The following NEBL variants were observed in gnomAD, a reference collection of about 807,000 sequenced individuals.
NEBL encodes LIM and SH3 protein 2.
Under a neutral mutation model 140.2 loss-of-function variants are expected in NEBL, and 122 were observed. That is an observed-to-expected ratio of 0.87 (90% CI 0.75 to 1.01). NEBL has a LOEUF of 1.01. Ranked by LOEUF, NEBL falls within the 50% of genes least tolerant of loss-of-function variation. The pLI, the probability that NEBL is intolerant of heterozygous loss-of-function variation, is 0.00. For synonymous variants in NEBL, 436 were observed against 398.9 expected, an observed-to-expected ratio of 1.09 and a Z score of -1.11; for missense variants, 1,365 against 1,231.3, an observed-to-expected ratio of 1.11 and a Z score of -1.62.
At chr10:21,255,047 A>G (rs1408581507) in intron 1 of NEBL, among the ~76,000 whole-genome samples, 2 of 152,236 alleles carry the variant, frequency 1.3e-5, no homozygotes, top group Non-Finnish European at 2.9e-5. Context: ...AGGACAGTCT[A>G]TCAGACTCTG....
At position 20,880,871 on chromosome 10, in the gene NEBL, C is replaced by T. The variant is rs1472235973; in HGVS notation, c.403G>A (p.Gly135Arg). The stretch of plus-strand genomic sequence containing the variant: ...TTCATGTGGGCATAATCTGAGAATC[C>T]TTTGGCAGCATCATGTTTCTGCTTG... The part of the protein sequence containing the change: ...AYKQKHDAAK[G>R]FSDYAHMKEP... The change falls in exon 5 of 28, where the codon GGA (glycine) becomes AGA (arginine). Residue 135 changes from glycine (G) to arginine (R), a missense_variant. This residue lies in a region of NEBL where 1,323 missense variants were observed against 1,154.8 expected (regional missense o/e 1.15). Coordinates refer to ENST00000377122, the MANE Select transcript of NEBL (RefSeq NM_006393.3). 7 of 1,613,968 alleles carry T rather than the reference C, an allele frequency of 4.3e-6. No homozygotes were observed. Among genetic ancestry groups the T allele is most frequent in the African/African-American group, 1.3e-5 (1 of 74,900 alleles).
chr10:20,975,210 T>C (rs999898771), intron 3 of NEBL, among the ~76,000 whole-genome samples: 1 of 152,196 alleles, frequency 6.6e-6, no homozygotes, highest in African/African-American at 2.4e-5. Context: ...AACTGGACTT[T>C]ATAATTACAA....
chr10:20,850,008 A>G (rs1296054045), intron 11 of NEBL, among the ~76,000 whole-genome samples: 1 of 152,226 alleles, frequency 6.6e-6, no homozygotes, highest in Admixed American at 6.5e-5. Context: ...ATTGAAAAAA[A>G]AAGGGGGCCA....
intron 2 of NEBL, among the ~76,000 whole-genome samples, chr10:21,122,595 C>T (rs1838631052): frequency 6.6e-6 from 1 of 152,016 alleles, no homozygotes; most frequent in Non-Finnish European, 1.5e-5. Flanking sequence ...GATTTTGAGC[C>T]TGGGTGATTA....
chr10:20,830,936 G>A (rs1176487464), intron 16 of NEBL, among the ~76,000 whole-genome samples: 6 of 105,546 alleles, frequency 5.7e-5, no homozygotes, highest in African/African-American at 1.2e-4. Flanking sequence ...AAAAAAAAAA[G>A]GTTTAATGTC....
In NEBL at chr10:21,071,192, TTTA is replaced by T. The variant is rs950338273; in HGVS notation, c.165-50994_165-50992del. The stretch of plus-strand genomic sequence containing the variant: ...TCTAAACAATAAATAATAATAATAT[TTTA>T]TTTTTAATATTATTATAATTTTTAA... On this transcript the variant is annotated intron_variant, in intron 2 of 6. Coordinates refer to the NEBL transcript ENST00000417816. Among the ~76,000 whole-genome samples, 278 of 149,306 alleles carry T rather than the reference TTTA, an allele frequency of 1.9e-3. 1 individual carries two copies. Among genetic ancestry groups the T allele is most frequent in the Non-Finnish European group, 3.2e-3 (217 of 67,462 alleles).
intron 21 of NEBL, among the ~76,000 whole-genome samples, chr10:20,816,115 T>C (rs1446564213): frequency 1.3e-5 from 2 of 152,136 alleles, no homozygotes; most frequent in East Asian, 3.9e-4. Flanking sequence ...TGTAGGAAAC[T>C]ACAAAAAATA....
chr10:21,226,247 G>T (rs1842146492), intron 3 of NEBL, among the ~76,000 whole-genome samples: 2 of 151,736 alleles, frequency 1.3e-5, no homozygotes, highest in Non-Finnish European at 2.9e-5. Flanking sequence ...GGCTGAGCTG[G>T]TATCCAATTG....
intron 2 of NEBL, among the ~76,000 whole-genome samples, chr10:20,895,776 G>A (rs1216944267): frequency 6.6e-6 from 1 of 152,176 alleles, no homozygotes; most frequent in Non-Finnish European, 1.5e-5. Context: ...TTGTCAGAAA[G>A]AGCCAGTCAT....
At chr10:21,220,895 C>A (rs1392281103) in intron 3 of NEBL, among the ~76,000 whole-genome samples, 1 of 152,206 alleles carries the variant, frequency 6.6e-6, no homozygotes, top group Non-Finnish European at 1.5e-5. Flanking sequence ...GCGGCTCATG[C>A]CAGTAATCCC....
intron 3 of NEBL, among the ~76,000 whole-genome samples, chr10:21,000,563 C>G (rs1310439622): frequency 6.6e-6 from 1 of 151,958 alleles, no homozygotes; most frequent in Non-Finnish European, 1.5e-5. Flanking sequence ...AGGAGACCAG[C>G]CTTTGCAAAG....
At chr10:21,278,635 T>A (rs1367736238) in intron 1 of NEBL, among the ~76,000 whole-genome samples, 2 of 152,114 alleles carry the variant, frequency 1.3e-5, no homozygotes, top group Non-Finnish European at 2.9e-5. Flanking sequence ...TAGGGGTCTA[T>A]CGGAGCACTG....
At chr10:21,193,019 T>A (rs963167432) in intron 3 of NEBL, among the ~76,000 whole-genome samples, 1 of 152,146 alleles carries the variant, frequency 6.6e-6, no homozygotes, top group East Asian at 1.9e-4. Flanking sequence ...CGATGTTGAA[T>A]GTTCAGCGAT....
intron 1 of NEBL, among the ~76,000 whole-genome samples, chr10:21,282,090 T>C (rs1378303855): frequency 1.3e-5 from 2 of 152,158 alleles, no homozygotes; most frequent in Non-Finnish European, 2.9e-5. Context: ...TGTGAGACTT[T>C]TGAAGGGAGA....
intron 4 of NEBL, among the ~76,000 whole-genome samples, chr10:20,951,892 G>A (rs557719848): frequency 2.6e-5 from 4 of 152,130 alleles, no homozygotes; most frequent in Non-Finnish European, 4.4e-5. Context: ...AAATTGAGAC[G>A]TGAAGCTAGT....
At chr10:21,254,123 G>T (rs1842624715) in intron 1 of NEBL, among the ~76,000 whole-genome samples, 1 of 152,056 alleles carries the variant, frequency 6.6e-6, no homozygotes, top group African/African-American at 2.4e-5. Context: ...TTCATATGTA[G>T]AATTTTAAAA....
intron 2 of NEBL, among the ~76,000 whole-genome samples, chr10:21,091,107 C>A (rs1380037898): frequency 6.6e-6 from 1 of 152,174 alleles, no homozygotes; most frequent in Non-Finnish European, 1.5e-5. Context: ...CCTTCCCTAC[C>A]ACTGTGAACT....
intron 3 of NEBL, among the ~76,000 whole-genome samples, chr10:21,184,599 C>CCTG (rs199729824): frequency 0.015 from 2,333 of 152,096 alleles, 59 homozygotes; most frequent in African/African-American, 0.053. Flanking sequence ...AACCTGATCC[C>CCTG]CTGCTGCTGC....
At chr10:21,186,217 A>G (rs1308665338) in intron 3 of NEBL, among the ~76,000 whole-genome samples, 1 of 152,038 alleles carries the variant, frequency 6.6e-6, no homozygotes, top group African/African-American at 2.4e-5. Context: ...CAGAGAGAAC[A>G]TACATAACCA....
Sources: gnomAD v4.1 joint callset for allele counts (sites outside exome capture counted in the v4.1 genomes callset) on GRCh38, gnomAD v4.1.1 for gene constraint, gnomAD v4.1.1 regional missense constraint, MANE v1.5 for transcripts, NCBI Gene and HGNC (gene_info 2026-07-23, HGNC 2026-07-21) for gene names.